CACNA2D1: variants seen among roughly 807,000 people sequenced by gnomAD.
The protein encoded by CACNA2D1 is calcium voltage-gated channel auxiliary subunit alpha2delta 1, also known as voltage-dependent calcium channel subunit alpha-2/delta-1.
In CACNA2D1, 53 loss-of-function variants were observed where a neutral mutation model predicts 171.5. The observed-to-expected ratio is 0.31, with a 90% CI of 0.25 to 0.39. The LOEUF (loss-of-function observed/expected upper bound fraction) is 0.39. Ranked by LOEUF, CACNA2D1 falls within the 10% of genes least tolerant of loss-of-function variation. CACNA2D1 has a pLI of 1.00. For missense variants in CACNA2D1, 903 were observed against 1,299.8 expected, an observed-to-expected ratio of 0.69 and a Z score of 4.69; for synonymous variants, 442 against 443.1, an observed-to-expected ratio of 1.00 and a Z score of 0.03.
intron 1 of CACNA2D1, among the ~76,000 whole-genome samples, chr7:82,356,909 T>C (rs1465917882): frequency 3.3e-5 from 5 of 152,152 alleles, no homozygotes; most frequent in African/African-American, 1.2e-4. Context: ...ATAATCCTTC[T>C]CTGTCCCTTC....
intron 4 of CACNA2D1, among the ~76,000 whole-genome samples, chr7:82,144,677 A>G (rs957050522): frequency 2.0e-5 from 3 of 152,106 alleles, no homozygotes; most frequent in Admixed American, 6.6e-5. Flanking sequence ...ACTAAAGGTC[A>G]AAAATCACCT....
At position 82,419,869 on chromosome 7, in the gene CACNA2D1, G is replaced by A. The variant is rs565210289; in HGVS notation, c.95+23496C>T. 3.3e-5 allele frequency among the ~76,000 whole-genome samples: 5 copies of A among 152,238 alleles called. No homozygotes were observed. The East Asian group carries it at 7.7e-4, about 23-fold the overall frequency. ...CCTTAGATCAGTGGTTTTCAACCCCGGGTGATTTTGCCCCTCAGGAGACAT... is the reference window on the plus strand; with the variant it reads ...CCTTAGATCAGTGGTTTTCAACCCCAGGTGATTTTGCCCCTCAGGAGACAT... On this transcript the variant is annotated intron_variant, in intron 1 of 38. Coordinates refer to ENST00000356860, the MANE Select transcript of CACNA2D1 (RefSeq NM_000722.4).
rs1026692571 is a variant in CACNA2D1 at position 82,269,254 on chromosome 7, A to C, written c.294+65881T>G. ...CCCCTCTGACTCATACACCCCTTAC[A>C]GCTGCCAATGTAAATTTACAAAAAT... On this transcript the variant is annotated intron_variant, in intron 3 of 38. Transcript: ENST00000356860. Among the ~76,000 whole-genome samples the C allele has an allele frequency of 9.2e-5, 14 of 152,230 alleles. No homozygotes were observed. In the South Asian group the frequency reaches 2.9e-3, roughly 32 times the overall value.
At chr7:82,194,436 T>C (rs963082809) in intron 3 of CACNA2D1, among the ~76,000 whole-genome samples, 3 of 152,050 alleles carry the variant, frequency 2.0e-5, no homozygotes, top group African/African-American at 7.2e-5. Flanking sequence ...ATGATTTGTG[T>C]GTATGCTGGA....
intron 5 of CACNA2D1, among the ~76,000 whole-genome samples, chr7:82,124,692 G>A (rs1444413002): frequency 2.0e-5 from 3 of 152,146 alleles, no homozygotes; most frequent in African/African-American, 7.2e-5. Flanking sequence ...ACTCTGTGGA[G>A]TGTACTTTTG....
At chr7:82,041,371 G>T (rs1193949794) in intron 10 of CACNA2D1, among the ~76,000 whole-genome samples, 2 of 152,108 alleles carry the variant, frequency 1.3e-5, no homozygotes, top group African/African-American at 4.8e-5. Flanking sequence ...CATTATTCTA[G>T]GAAAGAAGAG....
intron 1 of CACNA2D1, among the ~76,000 whole-genome samples, chr7:82,364,974 G>A (rs1465486956): frequency 6.6e-6 from 1 of 152,104 alleles, no homozygotes; most frequent in Non-Finnish European, 1.5e-5. Flanking sequence ...ATTCCTGATT[G>A]ACCAATTCTC....
chr7:82,378,215 T>C (rs376821181), intron 1 of CACNA2D1, among the ~76,000 whole-genome samples: 3 of 152,016 alleles, frequency 2.0e-5, no homozygotes, highest in Admixed American at 6.5e-5. Flanking sequence ...CTGGGCAACA[T>C]TGTGAGACCT....
chr7:82,184,549 C>G (rs1416433054), intron 3 of CACNA2D1, among the ~76,000 whole-genome samples: 2 of 152,054 alleles, frequency 1.3e-5, no homozygotes, highest in African/African-American at 4.8e-5. Context: ...CAGTAACTGA[C>G]ATTATCAAAG....
At position 82,249,150 on chromosome 7, in the gene CACNA2D1, A is replaced by G. The variant is rs145239012; in HGVS notation, c.295-78541T>C. Among the ~76,000 whole-genome samples, 180 of 152,126 alleles carry G rather than the reference A, an allele frequency of 1.2e-3. 2 individuals are homozygous for G. The South Asian group carries it at 0.012, about 10-fold the overall frequency. On this transcript the variant is annotated intron_variant, in intron 3 of 38. Transcript: ENST00000356860. ...AAAAAATGCCCTCTTAAAATTCAACATAGATGTTTTCCCAAGGTGTCATGG... is the reference window on the plus strand; with the variant it reads ...AAAAAATGCCCTCTTAAAATTCAACGTAGATGTTTTCCCAAGGTGTCATGG...
chr7:81,979,170 G>A (rs1387196968), intron 24 of CACNA2D1, among the ~76,000 whole-genome samples: 2 of 152,060 alleles, frequency 1.3e-5, no homozygotes, highest in East Asian at 3.9e-4. Flanking sequence ...TTTGGGTCTG[G>A]GGAGGGTTGG....
intron 12 of CACNA2D1, among the ~76,000 whole-genome samples, chr7:82,018,151 C>T (rs1278702936): frequency 1.3e-5 from 2 of 152,098 alleles, no homozygotes; most frequent in East Asian, 3.8e-4. Context: ...ATGGCTTTGA[C>T]AAATATTTTT....
chr7:81,984,762 T>C (rs1466850343), intron 21 of CACNA2D1, 51 bp from the exon 22 acceptor site: 4 of 955,616 alleles, frequency 4.2e-6, no homozygotes, highest in African/African-American at 1.6e-5. Context: ...AAATGAAACA[T>C]AACTTAAAAA....
chr7:82,014,392 A>T lies in CACNA2D1; in HGVS notation c.1222+9T>A, dbSNP rs772310262. The T allele has an allele frequency of 6.8e-7, 1 of 1,467,446 alleles. No homozygotes were observed. Among genetic ancestry groups the T allele is most frequent in the South Asian group, 1.1e-5 (1 of 87,936 alleles). 90.9% of individuals were successfully genotyped at this position (1,467,446 alleles called of 1,614,324 possible). A position where few individuals can be genotyped will look rare whatever the true frequency, so the allele number is the denominator to read the frequency against. On this transcript the variant is annotated intron_variant, in intron 13 of 38. Transcript: ENST00000356860. ...CTTCTAATTTATTAGAAGAAAACAG[A>T]TTTGTTACCTTTGTTTTCACAGGCC...
At chr7:82,137,648 G>A (rs1791795224) in intron 4 of CACNA2D1, among the ~76,000 whole-genome samples, 1 of 149,234 alleles carries the variant, frequency 6.7e-6, no homozygotes, top group Non-Finnish European at 1.5e-5. Flanking sequence ...GAGGTGGGTG[G>A]ATCATGAGGT....
At chr7:82,218,156 G>A (rs925591975) in intron 3 of CACNA2D1, among the ~76,000 whole-genome samples, 1 of 152,008 alleles carries the variant, frequency 6.6e-6, no homozygotes, top group African/African-American at 2.4e-5. Flanking sequence ...GGATGGTCTC[G>A]ATCTCCTGAC....
At chr7:81,998,457 T>C (rs1798267980) in intron 18 of CACNA2D1, among the ~76,000 whole-genome samples, 1 of 151,978 alleles carries the variant, frequency 6.6e-6, no homozygotes, top group African/African-American at 2.4e-5. Flanking sequence ...AGTAAAAATG[T>C]ACTAAAATTA....
chr7:82,068,298 A>G (rs1342203648), intron 7 of CACNA2D1, among the ~76,000 whole-genome samples: 1 of 152,096 alleles, frequency 6.6e-6, no homozygotes, highest in African/African-American at 2.4e-5. Flanking sequence ...TTACAAGGAA[A>G]GACCTGGAAC....
intron 5 of CACNA2D1, among the ~76,000 whole-genome samples, chr7:82,122,034 A>T (rs1174896147): frequency 6.6e-6 from 1 of 152,178 alleles, no homozygotes; most frequent in Non-Finnish European, 1.5e-5. Flanking sequence ...GATTCAGTGT[A>T]AAGTCTTCAT....
Sources: gnomAD v4.1 joint callset for allele counts (sites outside exome capture counted in the v4.1 genomes callset) on GRCh38, gnomAD v4.1.1 for gene constraint, MANE v1.5 for transcripts, NCBI Gene and HGNC (gene_info 2026-07-23, HGNC 2026-07-21) for gene names.